Variants in PRR23C observed in about 807,000 individuals in gnomAD.
The protein encoded by PRR23C is proline rich 23C, also known as proline-rich protein 23C.
In PRR23C, 1 loss-of-function variant was observed where a neutral mutation model predicts 0.1. The ratio of observed to expected loss-of-function variants is 6.80; its 90% confidence interval spans 2.41 to 32.24. PRR23C has a LOEUF of 32.24. Among genes scored for constraint, PRR23C ranks in the 30% most tolerant of loss-of-function variants. The probability of loss-of-function intolerance (pLI) is 0.11; values close to 1 mark genes in which losing one functional copy is unlikely to be tolerated. For missense variants in PRR23C, 361 were observed against 370.4 expected (o/e 0.97, Z 0.21); for synonymous variants, 172 against 168.1 (o/e 1.02, Z -0.18).
Position 139,043,466 on chromosome 3 carries a change from C to A in PRR23C, c.*366G>T, listed in dbSNP as rs572274065. 4.0e-5 allele frequency: 7 copies of A among 174,550 alleles called. No homozygotes were observed. Among genetic ancestry groups the A allele is most frequent in the Admixed American group, 4.0e-4 (7 of 17,686 alleles). The allele number at this position is 174,550 out of a possible 1,614,324, so 10.8% of individuals were successfully genotyped here. A position where few individuals can be genotyped will look rare whatever the true frequency, so the allele number is the denominator to read the frequency against. On this transcript the variant is annotated 3_prime_UTR_variant, in exon 1 of 1. Coordinates refer to ENST00000413199, the MANE Select transcript of PRR23C (RefSeq NM_001134657.1). ...TGGGAGAAAAGGTGTGCCATGGTAA[C>A]GTGCTGGGGAAAGGGCGGATTTTTA...
In PRR23C at chr3:139,044,680, G is replaced by A. The variant is rs1937184332; in HGVS notation, c.-60C>T. ...CTGGCAGGGGACGTGGGTGCGGGGG[G>A]CTCGGGGCGGCGAAGTCCTCTTTGA... is the stretch of plus-strand genomic sequence containing the variant. On this transcript the variant is annotated 5_prime_UTR_variant, in exon 1 of 1. Coordinates refer to ENST00000413199, the MANE Select transcript of PRR23C (RefSeq NM_001134657.1). The surrounding 1 kb of genome is among the most constrained non-coding windows in gnomAD (Gnocchi z 7.5). The A allele has an allele frequency of 1.4e-6, 2 of 1,423,872 alleles. No individual in the cohort carries two copies. The highest frequency in any genetic ancestry group is 1.5e-5 in the African/African-American group (1 of 65,726). 88.2% of individuals were successfully genotyped at this position (1,423,872 alleles called of 1,614,324 possible).
Position 139,044,260 on chromosome 3 carries a change from C to G in PRR23C, c.361G>C (p.Gly121Arg). The change falls in exon 1 of 1, where the codon GGC (glycine) becomes CGC (arginine). Residue 121 changes from glycine (G) to arginine (R), a missense_variant. Coordinates refer to ENST00000413199, the MANE Select transcript of PRR23C (RefSeq NM_001134657.1). This position sits in a 1 kb window ranked among gnomAD's most constrained non-coding sequence, Gnocchi z 7.5. ...CCCAGGAAAACGTCCACTTCCAGGC[C>G]GGCAGACCAGTCGCCCTGCGCTCCT... Reference protein sequence around the residue: ...CSGAQGDWSAGLEVDVFLGAH... With the variant: ...CSGAQGDWSARLEVDVFLGAH... The G allele has an allele frequency of 1.2e-6, 2 of 1,609,316 alleles. No homozygotes were observed.
At position 139,044,528 on chromosome 3, in the gene PRR23C, C is replaced by T. The variant is rs1295810351; in HGVS notation, c.93G>A (p.Leu31=). The T allele has an allele frequency of 1.9e-6, 3 of 1,544,988 alleles. No individual in the cohort carries two copies. The highest frequency in any genetic ancestry group is 2.6e-6 in the Non-Finnish European group (3 of 1,145,962). Residue 31 remains leucine (L), a synonymous_variant, in exon 1 of 1, where the codon TTG becomes TTA. Transcript: ENST00000413199. This position sits in a 1 kb window ranked among gnomAD's most constrained non-coding sequence, Gnocchi z 7.5. ...GGPGPAKRSR[L]EEPAGPESRA... is the part of the protein sequence containing the mutation. ...GGGATTCGGGGCCCGCGGGCTCCTC[C>T]AATCGGCTGCGCTTGGCAGGGCCTG... is the stretch of plus-strand genomic sequence containing the variant.
chr3:139,044,304 C>A lies in PRR23C; in HGVS notation c.317G>T (p.Ser106Ile). Reference sequence around the variant, plus strand: ...CGCTCCTGAGCATTCGTCGACGGAGCTCAGGAGGACCTCGGGGATCACGAT... The same window carrying A: ...CGCTCCTGAGCATTCGTCGACGGAGATCAGGAGGACCTCGGGGATCACGAT... ...TLIVIPEVLL[S>I]SVDECSGAQG... is the part of the protein sequence containing the mutation. Residue 106 changes from serine (S) to isoleucine (I), a missense_variant, in exon 1 of 1, where the codon AGC becomes ATC. Coordinates refer to ENST00000413199, the MANE Select transcript of PRR23C (RefSeq NM_001134657.1). The surrounding 1 kb of genome is among the most constrained non-coding windows in gnomAD (Gnocchi z 7.5). 6.2e-7 allele frequency: 1 copy of A among 1,610,508 alleles called. No homozygotes were observed. Among genetic ancestry groups the A allele is most frequent in the Non-Finnish European group, 8.5e-7 (1 of 1,178,482 alleles).
Position 139,044,477 on chromosome 3 carries a change from C to G in PRR23C, c.144G>C (p.Pro48=). The part of the protein sequence containing the change: ...ESRAAPSPED[P]AGTPAVDALT... ...GCGCGTCCACGGCCGGGGTCCCCGC[C>G]GGGTCTTCCGGGCTGGGCGCCGCTC... Residue 48 remains proline, a synonymous_variant, in exon 1 of 1, where the codon CCG becomes CCC. Coordinates refer to ENST00000413199, the MANE Select transcript of PRR23C (RefSeq NM_001134657.1). The surrounding 1 kb of genome is among the most constrained non-coding windows in gnomAD (Gnocchi z 7.5). The G allele has an allele frequency of 1.3e-6, 2 of 1,540,666 alleles. No homozygotes were observed. The highest frequency in any genetic ancestry group is 1.2e-5 in the South Asian group (1 of 82,708).
rs757791331 is a variant in PRR23C at position 139,044,314 on chromosome 3, C to T, written c.307G>A (p.Val103Ile). The stretch of plus-strand genomic sequence containing the variant: ...CATTCGTCGACGGAGCTCAGGAGGA[C>T]CTCGGGGATCACGATGAGGGTGTGT... ...GGHTLIVIPE[V>I]LLSSVDECSG... Residue 103 changes from valine (V) to isoleucine (I), a missense_variant, in exon 1 of 1, where the codon GTC becomes ATC. Coordinates refer to ENST00000413199, the MANE Select transcript of PRR23C (RefSeq NM_001134657.1). This position sits in a 1 kb window ranked among gnomAD's most constrained non-coding sequence, Gnocchi z 7.5. 49 of 1,610,262 alleles carry T rather than the reference C, an allele frequency of 3.0e-5. No individual in the cohort carries two copies. Among genetic ancestry groups the T allele is most frequent in the Admixed American group, 1.0e-4 (6 of 59,496 alleles).
Position 139,044,806 on chromosome 3 carries a change from C to T in PRR23C, c.-186G>A. ...GTCGGTGCTGCTGCTGGGGGAACCTCGCACGCTGTGTGGCTCAGCCTCGCG... is the reference window on the plus strand; with the variant it reads ...GTCGGTGCTGCTGCTGGGGGAACCTTGCACGCTGTGTGGCTCAGCCTCGCG... On this transcript the variant is annotated 5_prime_UTR_variant, in exon 1 of 1. Transcript: ENST00000413199. This position sits in a 1 kb window ranked among gnomAD's most constrained non-coding sequence, Gnocchi z 7.5. The T allele has an allele frequency of 7.8e-6, 5 of 641,376 alleles. No individual in the cohort carries two copies. The highest frequency in any genetic ancestry group is 4.8e-5 in the South Asian group (2 of 42,022). 39.7% of individuals were successfully genotyped at this position (641,376 alleles called of 1,614,324 possible). A position where few individuals can be genotyped will look rare whatever the true frequency, so the allele number is the denominator to read the frequency against.
In PRR23C at chr3:139,044,144, C is replaced by G. The variant is rs867235048; in HGVS notation, c.477G>C (p.Ala159=). 6 of 1,612,932 alleles carry G rather than the reference C, an allele frequency of 3.7e-6. No homozygotes were observed. Among genetic ancestry groups the G allele is most frequent in the African/African-American group, 1.3e-5 (1 of 74,916 alleles). The change falls in exon 1 of 1, where the codon GCG becomes GCC. Residue 159 remains alanine (A), a synonymous_variant. Coordinates refer to ENST00000413199, the MANE Select transcript of PRR23C (RefSeq NM_001134657.1). The surrounding 1 kb of genome is among the most constrained non-coding windows in gnomAD (Gnocchi z 7.5). The part of the protein sequence containing the change: ...AAEEEAYEED[A]DSEFPELWMD... Reference sequence around the variant, plus strand: ...TCCAGAGCTCCGGGAACTCAGAGTCCGCGTCCTCCTCGTAGGCCTCTTCCT... The same window carrying G: ...TCCAGAGCTCCGGGAACTCAGAGTCGGCGTCCTCCTCGTAGGCCTCTTCCT...
chr3:139,044,527 C>G lies in PRR23C; in HGVS notation c.94G>C (p.Glu32Gln). 6.5e-7 allele frequency: 1 copy of G among 1,545,132 alleles called. No individual in the cohort carries two copies. Among genetic ancestry groups the G allele is most frequent in the Admixed American group, 2.0e-5 (1 of 50,666 alleles). Residue 32 changes from glutamate to glutamine, a missense_variant, in exon 1 of 1, where the codon GAG becomes CAG. Transcript: ENST00000413199. This position sits in a 1 kb window ranked among gnomAD's most constrained non-coding sequence, Gnocchi z 7.5. ...GPGPAKRSRL[E>Q]EPAGPESRAA... ...CGGGATTCGGGGCCCGCGGGCTCCT[C>G]CAATCGGCTGCGCTTGGCAGGGCCT...
In PRR23C at chr3:139,043,713, AG is replaced by A; in HGVS notation, c.*118del. On this transcript the variant is annotated 3_prime_UTR_variant, in exon 1 of 1. Transcript: ENST00000413199. ...TCTGCAACGCAGCCTGTATCAAAAAAGCATCTATCCGTTATCCACTCTCCGA... is the reference window on the plus strand; with the variant it reads ...TCTGCAACGCAGCCTGTATCAAAAAACATCTATCCGTTATCCACTCTCCGA... 1 of 935,028 alleles carries A rather than the reference AG, an allele frequency of 1.1e-6. No homozygotes were observed. Among genetic ancestry groups the A allele is most frequent in the Non-Finnish European group, 1.5e-6 (1 of 647,182 alleles). 57.9% of individuals were successfully genotyped at this position (935,028 alleles called of 1,614,324 possible).
At position 139,044,372 on chromosome 3, in the gene PRR23C, C is replaced by T. The variant is rs1327176679; in HGVS notation, c.249G>A (p.Ala83=). The change falls in exon 1 of 1, where the codon GCG becomes GCA. Residue 83 remains alanine, a synonymous_variant. Coordinates refer to ENST00000413199, the MANE Select transcript of PRR23C (RefSeq NM_001134657.1). The surrounding 1 kb of genome is among the most constrained non-coding windows in gnomAD (Gnocchi z 7.5). ...LEDVDLVLEL[A]PMSVLRVSLG... is the part of the protein sequence containing the mutation. ...GAGACACTCGCAGGACCGACATTGGCGCGAGCTCCAGCACCAGGTCGACGT... is the reference window on the plus strand; with the variant it reads ...GAGACACTCGCAGGACCGACATTGGTGCGAGCTCCAGCACCAGGTCGACGT... The T allele has an allele frequency of 1.3e-6, 2 of 1,591,692 alleles. No homozygotes were observed. Among genetic ancestry groups the T allele is most frequent in the East Asian group, 2.3e-5 (1 of 43,544 alleles).
chr3:139,042,887 TA>T lies in PRR23C; in HGVS notation c.*944del. 1 of 152,314 alleles carries T rather than the reference TA, an allele frequency of 6.6e-6. No individual in the cohort carries two copies. The highest frequency in any genetic ancestry group is 3.4e-3 in the Middle Eastern group (1 of 294). The allele number at this position is 152,314 out of a possible 1,614,324, so 9.4% of individuals were successfully genotyped here. ...CAACATGGTGAAACCCCGTCTCTAC[TA>T]AAAATACAAAATTAGTCGTGTGTGG... On this transcript the variant is annotated 3_prime_UTR_variant, in exon 1 of 1. Transcript: ENST00000413199.
rs1937160914 is a variant in PRR23C, at chr3:139,043,309, A to T, written c.*523T>A. On this transcript the variant is annotated 3_prime_UTR_variant, in exon 1 of 1. Coordinates refer to ENST00000413199, the MANE Select transcript of PRR23C (RefSeq NM_001134657.1). Reference sequence around the variant, plus strand: ...AAACAACAAACATTTGTCCAGGTACAACTATGTGCAAGATCACCCAAAAGG... The same window carrying T: ...AAACAACAAACATTTGTCCAGGTACTACTATGTGCAAGATCACCCAAAAGG... The T allele has an allele frequency of 6.5e-6, 1 of 153,450 alleles. No individual in the cohort carries two copies. Among genetic ancestry groups the T allele is most frequent in the African/African-American group, 2.4e-5 (1 of 41,458 alleles). The allele number at this position is 153,450 out of a possible 1,614,324, so 9.5% of individuals were successfully genotyped here. A position where few individuals can be genotyped will look rare whatever the true frequency, so the allele number is the denominator to read the frequency against.
chr3:139,044,228 G>A lies in PRR23C; in HGVS notation c.393C>T (p.His131=). Residue 131 remains histidine (H), a synonymous_variant, in exon 1 of 1, where the codon CAC becomes CAT. Coordinates refer to ENST00000413199, the MANE Select transcript of PRR23C (RefSeq NM_001134657.1). This position sits in a 1 kb window ranked among gnomAD's most constrained non-coding sequence, Gnocchi z 7.5. ...GLEVDVFLGA[H]GEDVVVEQEV... ...CCTGCTCGACGACGACGTCTTCCCC[G>A]TGAGCGCCCAGGAAAACGTCCACTT... 1.2e-6 allele frequency: 2 copies of A among 1,611,410 alleles called. No individual in the cohort carries two copies. The highest frequency in any genetic ancestry group is 1.1e-5 in the South Asian group (1 of 90,504).
Position 139,042,652 on chromosome 3 carries a change from T to C in PRR23C, c.*1180A>G, listed in dbSNP as rs1051323689. On this transcript the variant is annotated 3_prime_UTR_variant, in exon 1 of 1. Transcript: ENST00000413199. The stretch of plus-strand genomic sequence containing the variant: ...TCAAAAAAGACAATATTCTCATTAT[T>C]TGGAGATATTGTTTTTATCAATCAA... The C allele has an allele frequency of 6.6e-6, 1 of 152,240 alleles. No homozygotes were observed. Among genetic ancestry groups the C allele is most frequent in the African/African-American group, 2.4e-5 (1 of 41,470 alleles). 9.4% of individuals were successfully genotyped at this position (152,240 alleles called of 1,614,324 possible).
rs1289019712 is a variant in PRR23C, at chr3:139,043,897, G to A, written c.724C>T (p.His242Tyr). The A allele has an allele frequency of 3.4e-5, 54 of 1,585,866 alleles. No individual in the cohort carries two copies. Among genetic ancestry groups the A allele is most frequent in the Non-Finnish European group, 4.5e-5 (53 of 1,166,582 alleles). Residue 242 changes from histidine to tyrosine, a missense_variant, in exon 1 of 1, where the codon CAC becomes TAC. Coordinates refer to ENST00000413199, the MANE Select transcript of PRR23C (RefSeq NM_001134657.1). ...PLPPSPSPGP[H>Y]ARPELPERPP... ...CGCTCTGGGAGCTCCGGGCGCGCGT[G>A]GGGACCTGGACTCGGAGAGGGAGGT...
In PRR23C at chr3:139,044,599, G is replaced by C; in HGVS notation, c.22C>G (p.Pro8Ala). The change falls in exon 1 of 1, where the codon CCC becomes GCC. Residue 8 changes from proline (P) to alanine (A), a missense_variant. Coordinates refer to ENST00000413199, the MANE Select transcript of PRR23C (RefSeq NM_001134657.1). The surrounding 1 kb of genome is among the most constrained non-coding windows in gnomAD (Gnocchi z 7.5). MGSRPCS[P>A]SACLAPWWGQ... Reference sequence around the variant, plus strand: ...CACCAGGGCGCAAGGCAGGCGCTGGGGCTGCAGGGCCGGCTGCCCATCACC... The same window carrying C: ...CACCAGGGCGCAAGGCAGGCGCTGGCGCTGCAGGGCCGGCTGCCCATCACC... The C allele has an allele frequency of 1.3e-6, 2 of 1,526,106 alleles. No individual in the cohort carries two copies. 94.5% of individuals were successfully genotyped at this position (1,526,106 alleles called of 1,614,324 possible).
Position 139,044,611 on chromosome 3 carries a change from G to T in PRR23C, c.10C>A (p.Arg4=). Residue 4 remains arginine, a synonymous_variant, in exon 1 of 1, where the codon CGG becomes AGG. Transcript: ENST00000413199. This position sits in a 1 kb window ranked among gnomAD's most constrained non-coding sequence, Gnocchi z 7.5. ...AGGCAGGCGCTGGGGCTGCAGGGCC[G>T]GCTGCCCATCACCTCGACGGCGCTG... is the stretch of plus-strand genomic sequence containing the variant. MGS[R]PCSPSACLAP... is the part of the protein sequence containing the mutation. The T allele has an allele frequency of 6.6e-7, 1 of 1,518,092 alleles. No homozygotes were observed. The highest frequency in any genetic ancestry group is 8.8e-7 in the Non-Finnish European group (1 of 1,139,302). The allele number at this position is 1,518,092 out of a possible 1,614,324, so 94.0% of individuals were successfully genotyped here. A position where few individuals can be genotyped will look rare whatever the true frequency, so the allele number is the denominator to read the frequency against.
At position 139,044,479 on chromosome 3, in the gene PRR23C, G is replaced by A; in HGVS notation, c.142C>T (p.Pro48Ser). 2 of 1,541,342 alleles carry A rather than the reference G, an allele frequency of 1.3e-6. No individual in the cohort carries two copies. The highest frequency in any genetic ancestry group is 1.2e-5 in the South Asian group (1 of 82,868). The change falls in exon 1 of 1, where the codon CCG becomes TCG. Residue 48 changes from proline (P) to serine (S), a missense_variant. Physicochemically the swap from Pro to Ser is moderately conservative, Grantham distance 74. Transcript: ENST00000413199. This position sits in a 1 kb window ranked among gnomAD's most constrained non-coding sequence, Gnocchi z 7.5. ...GCGTCCACGGCCGGGGTCCCCGCCG[G>A]GTCTTCCGGGCTGGGCGCCGCTCGG... is the stretch of plus-strand genomic sequence containing the variant. ...ESRAAPSPEDPAGTPAVDALT... is the reference protein window; with the variant it reads ...ESRAAPSPEDSAGTPAVDALT...
Sources: gnomAD v4.1 joint callset for allele counts on GRCh38, gnomAD v4.1.1 for gene constraint, Gnocchi (gnomAD v3.1) non-coding constraint, MANE v1.5 for transcripts, NCBI Gene and HGNC (gene_info 2026-07-23, HGNC 2026-07-21) for gene names.